MYCBP: variants seen among roughly 807,000 people sequenced by gnomAD.
MYCBP encodes the protein C-Myc-binding protein.
Under a neutral mutation model 16.8 loss-of-function variants are expected in MYCBP, and 5 were observed. That is an observed-to-expected ratio of 0.30 (90% CI 0.16 to 0.63). The LOEUF is 0.63. MYCBP is among the 20% of genes least tolerant of loss of function. MYCBP has a pLI of 0.83. For synonymous variants in MYCBP, 35 were observed against 43.7 expected (o/e 0.80, Z 0.79); for missense variants, 103 against 121.8 (o/e 0.85, Z 0.73).
At chr1:38,868,042 G>A (rs114521372) in intron 2 of MYCBP, among the ~76,000 whole-genome samples, 1 of 152,214 alleles carries the variant, frequency 6.6e-6, no homozygotes, top group African/African-American at 2.4e-5. Flanking sequence ...AAAGGAAGCT[G>A]GAAAGGTGGT....
intron 2 of MYCBP, among the ~76,000 whole-genome samples, chr1:38,870,169 C>CAAAAAAA (rs1221257996): frequency 1.3e-5 from 1 of 77,210 alleles, no homozygotes; most frequent in Non-Finnish European, 2.3e-5. Context: ...GACTCCGTCT[C>CAAAAAAA]AAAAAAAAAA....
intron 2 of MYCBP, 59 bp downstream of exon 2, chr1:38,872,959 G>T (rs1570891964): frequency 2.0e-6 from 3 of 1,531,976 alleles, no homozygotes; most frequent in East Asian, 4.9e-5. Context: ...GCTGGGGAAC[G>T]GGGCAGCGCC....
At chr1:38,864,812 C>A in intron 4 of MYCBP, 98 bp from the exon 5 acceptor site, 1 of 1,077,276 alleles carries the variant, frequency 9.3e-7, no homozygotes, top group Non-Finnish European at 1.4e-6. Flanking sequence ...TAGTTACTGT[C>A]AGTAAATTGT....
chr1:38,866,799 C>G (rs1642351531), intron 4 of MYCBP, 81 bp downstream of exon 4: 2 of 1,141,762 alleles, frequency 1.8e-6, no homozygotes, highest in Non-Finnish European at 1.2e-6. Context: ...TCCCTCCCCT[C>G]CTGTCCATTT....
At chr1:38,868,918 AC>A (rs2124258814) in intron 2 of MYCBP, among the ~76,000 whole-genome samples, 1 of 152,236 alleles carries the variant, frequency 6.6e-6, no homozygotes, top group South Asian at 2.1e-4. Context: ...AAACAAAAAA[AC>A]AAAACAAACA....
In MYCBP at chr1:38,862,624, T is replaced by G. The variant is rs889626498; in HGVS notation, c.*2046A>C. On this transcript the variant is annotated 3_prime_UTR_variant, in exon 5 of 5. Coordinates refer to ENST00000397572, the MANE Select transcript of MYCBP (RefSeq NM_012333.5). ...TAACTGGTGGGATCCATTTATCCAT[T>G]TTCTCTTCCATGGAGCATCTTGTTG... is the stretch of plus-strand genomic sequence containing the variant. Among the ~76,000 whole-genome samples the G allele has an allele frequency of 5.9e-5, 9 of 152,214 alleles. No individual in the cohort carries two copies. The highest frequency in any genetic ancestry group is 8.8e-5 in the Non-Finnish European group (6 of 68,044).
At chr1:38,866,042 C>T (rs1642327138) in intron 4 of MYCBP, among the ~76,000 whole-genome samples, 1 of 24,420 alleles carries the variant, frequency 4.1e-5, no homozygotes, top group Non-Finnish European at 7.8e-5. Flanking sequence ...TCCTAAGAAC[C>T]TCTTTTTTTT....
chr1:38,872,996 C>G, intron 2 of MYCBP, 22 bp downstream of exon 2: 1 of 1,562,614 alleles, frequency 6.4e-7, no homozygotes, highest in South Asian at 1.2e-5. Context: ...GCACGAGGTA[C>G]CCTCTCCTAG....
In MYCBP at chr1:38,873,325, T is replaced by C. The variant is rs778575331; in HGVS notation, c.-20A>G. ...GGCCATAGTGACAGCGGCAGCGGCG[T>C]AGCTGGCGCCGGAGACCGCGACTGG... On this transcript the variant is annotated 5_prime_UTR_variant, in exon 1 of 5. Coordinates refer to ENST00000397572, the MANE Select transcript of MYCBP (RefSeq NM_012333.5). 4 of 1,599,934 alleles carry C rather than the reference T, an allele frequency of 2.5e-6. No homozygotes were observed. The highest frequency in any genetic ancestry group is 2.2e-5 in the East Asian group (1 of 44,752).
Position 38,864,491 on chromosome 1 carries a change from C to A in MYCBP, c.*179G>T. ...ACTTTGGATTCTCCTGCTTTAAGAC[C>A]CAAAGAAAGTTATATTGAGTTTTTA... On this transcript the variant is annotated 3_prime_UTR_variant, in exon 5 of 5. Transcript: ENST00000397572. 1 of 668,138 alleles carries A rather than the reference C, an allele frequency of 1.5e-6. No homozygotes were observed. Among genetic ancestry groups the A allele is most frequent in the East Asian group, 2.9e-5 (1 of 34,712 alleles). The allele number at this position is 668,138 out of a possible 1,614,324, so 41.4% of individuals were successfully genotyped here.
intron 3 of MYCBP, 38 bp downstream of exon 3, chr1:38,867,524 G>A (rs961884848): frequency 6.5e-7 from 1 of 1,539,188 alleles, no homozygotes; most frequent in Non-Finnish European, 8.9e-7. Context: ...AAAAATAAGA[G>A]TTTCAAAATA....
chr1:38,869,409 T>G (rs1185297839), intron 2 of MYCBP, among the ~76,000 whole-genome samples: 3 of 152,098 alleles, frequency 2.0e-5, no homozygotes, highest in Non-Finnish European at 4.4e-5. Flanking sequence ...TTATAAGACA[T>G]GAATATTAAT....
intron 2 of MYCBP, among the ~76,000 whole-genome samples, chr1:38,872,108 T>C (rs948447230): frequency 6.6e-6 from 1 of 152,250 alleles, no homozygotes; most frequent in African/African-American, 2.4e-5. Context: ...CCAGGAGTTA[T>C]GCTCCTAGAA....
At chr1:38,867,967 G>T (rs1329169789) in intron 2 of MYCBP, among the ~76,000 whole-genome samples, 3 of 152,236 alleles carry the variant, frequency 2.0e-5, no homozygotes, top group Non-Finnish European at 4.4e-5. Context: ...GAAGGCCCAG[G>T]AGCAAGAAAA....
chr1:38,865,960 A>T (rs1181067230), intron 4 of MYCBP, among the ~76,000 whole-genome samples: 1 of 151,936 alleles, frequency 6.6e-6, no homozygotes, highest in Non-Finnish European at 1.5e-5. Flanking sequence ...TCAACTGCTT[A>T]AGAACCTCAG....
chr1:38,865,709 G>A (rs975493533), intron 4 of MYCBP, among the ~76,000 whole-genome samples: 1 of 152,120 alleles, frequency 6.6e-6, no homozygotes, highest in African/African-American at 2.4e-5. Flanking sequence ...GGCAGAGGTG[G>A]GGGGATTACT....
intron 4 of MYCBP, 48 bp downstream of exon 4, chr1:38,866,832 T>C (rs1377516940): frequency 7.3e-7 from 1 of 1,368,676 alleles, no homozygotes. Flanking sequence ...CATCATACAA[T>C]TATTACAGGT....
chr1:38,871,494 G>A lies in MYCBP; in HGVS notation c.88+1524C>T, dbSNP rs543528977. On this transcript the variant is annotated intron_variant, in intron 2 of 4. Coordinates refer to ENST00000397572, the MANE Select transcript of MYCBP (RefSeq NM_012333.5). Reference sequence around the variant, plus strand: ...CCCAGTGGCACAATCACAACTCACTGCAGCCTTGACCTCCTGGGCTCAGGT... The same window carrying A: ...CCCAGTGGCACAATCACAACTCACTACAGCCTTGACCTCCTGGGCTCAGGT... Among the ~76,000 whole-genome samples, 4 of 134,836 alleles carry A rather than the reference G, an allele frequency of 3.0e-5. No individual in the cohort carries two copies. The South Asian group carries it at 6.9e-4, about 23-fold the overall frequency. The allele number at this position is 134,836 out of a possible 152,430, so 88.5% of individuals were successfully genotyped here.
intron 2 of MYCBP, 80 bp downstream of exon 2, chr1:38,872,938 C>T: frequency 6.7e-7 from 1 of 1,482,618 alleles, no homozygotes. Flanking sequence ...TCCTTCCCCA[C>T]GCTACGGCCC....
Sources: allele counts gnomAD v4.1 joint callset (sites outside exome capture counted in the v4.1 genomes callset), GRCh38; gene constraint gnomAD v4.1.1; transcripts MANE v1.5; gene names NCBI Gene and HGNC (gene_info 2026-07-23, HGNC 2026-07-21).